CNTN5: variants seen among roughly 807,000 people sequenced by gnomAD.
CNTN5 encodes the protein contactin 5.
CNTN5 carries 77 observed loss-of-function variants against 129.1 expected under a neutral mutation model. The ratio of observed to expected loss-of-function variants is 0.60; its 90% CI spans 0.50 to 0.72. CNTN5 has a LOEUF of 0.72. Among genes scored for constraint, CNTN5 ranks in the 30% least tolerant of loss-of-function variants. The pLI, the probability that CNTN5 is intolerant of heterozygous loss-of-function variation, is 0.00. For synonymous variants in CNTN5, 509 were observed against 465.6 expected, an observed-to-expected ratio of 1.09 and a Z score of -1.20; for missense variants, 1,478 against 1,328.8, an observed-to-expected ratio of 1.11 and a Z score of -1.75.
At chr11:100,180,132 T>C (rs557618286) in intron 13 of CNTN5, among the ~76,000 whole-genome samples, 1 of 152,090 alleles carries the variant, frequency 6.6e-6, no homozygotes, top group Non-Finnish European at 1.5e-5. Context: ...CAATATCTCA[T>C]GAGAATCAAG....
chr11:99,854,646 T>A (rs746138996), intron 6 of CNTN5, among the ~76,000 whole-genome samples: 1 of 152,172 alleles, frequency 6.6e-6, no homozygotes, highest in Non-Finnish European at 1.5e-5. Context: ...ATAAGGAATG[T>A]AGGTTTCTGG....
chr11:99,534,180 T>C (rs1405124862), intron 2 of CNTN5, among the ~76,000 whole-genome samples: 2 of 152,356 alleles, frequency 1.3e-5, no homozygotes, highest in South Asian at 2.1e-4. Flanking sequence ...TAAATACTTT[T>C]TGCGACTTGG....
intron 1 of CNTN5, among the ~76,000 whole-genome samples, chr11:99,295,882 CAA>C (rs34180493): frequency 7.8e-4 from 40 of 50,986 alleles, no homozygotes; most frequent in African/African-American, 2.6e-3. Flanking sequence ...GACTCCGTCT[CAA>C]AAAAAAAAAA....
chr11:99,764,562 A>T (rs1944690969), intron 3 of CNTN5, among the ~76,000 whole-genome samples: 1 of 152,056 alleles, frequency 6.6e-6, no homozygotes, highest in Non-Finnish European at 1.5e-5. Context: ...GATTATAGGC[A>T]TGCACCACCA....
intron 2 of CNTN5, among the ~76,000 whole-genome samples, chr11:99,406,414 T>TCG (rs1487908889): frequency 6.7e-6 from 1 of 149,854 alleles, no homozygotes; most frequent in Non-Finnish European, 1.5e-5. Flanking sequence ...TCTCTCTCTC[T>TCG]CTCTGTTCTG....
In CNTN5 at chr11:99,844,918, A is replaced by G. The variant is rs1442248125; in HGVS notation, c.344A>G (p.Asp115Gly). ...GATATTATTTTTCCAACTGATTCTG[A>G]TGAAAAGAAGGTAGCATTGAATTGT... ...PDDIIFPTDS[D>G]EKKVALNCEV... Residue 115 changes from aspartate (D) to glycine (G), a missense_variant, in exon 5 of 25, where the codon GAT becomes GGT. Coordinates refer to ENST00000524871, the MANE Select transcript of CNTN5 (RefSeq NM_014361.4). The G allele has an allele frequency of 5.0e-6, 8 of 1,613,734 alleles. No individual in the cohort carries two copies. The highest frequency in any genetic ancestry group is 6.8e-6 in the Non-Finnish European group (8 of 1,179,788).
chr11:99,289,040 G>GT (rs1864060033), intron 1 of CNTN5, among the ~76,000 whole-genome samples: 2 of 151,670 alleles, frequency 1.3e-5, no homozygotes, highest in African/African-American at 4.8e-5. Context: ...GTTTACTACA[G>GT]TTTTTTCTTA....
intron 3 of CNTN5, among the ~76,000 whole-genome samples, chr11:99,742,654 T>G (rs1229810711): frequency 6.6e-6 from 1 of 152,150 alleles, no homozygotes; most frequent in Non-Finnish European, 1.5e-5. Context: ...AAGAAAGTAT[T>G]AGAGACTTGT....
intron 2 of CNTN5, among the ~76,000 whole-genome samples, chr11:99,530,207 G>A (rs1947640823): frequency 6.6e-6 from 1 of 152,046 alleles, no homozygotes; most frequent in South Asian, 2.1e-4. Flanking sequence ...TCCTTGGCCT[G>A]CTCCTGCATT....
chr11:100,168,111 C>G (rs1438510693), intron 13 of CNTN5, among the ~76,000 whole-genome samples: 5 of 151,818 alleles, frequency 3.3e-5, no homozygotes, highest in African/African-American at 1.2e-4. Context: ...AAATTTTGAA[C>G]CTTGAAGAGG....
At chr11:99,635,098 A>G (rs1951503562) in intron 3 of CNTN5, among the ~76,000 whole-genome samples, 1 of 152,214 alleles carries the variant, frequency 6.6e-6, no homozygotes, top group Admixed American at 6.5e-5. Context: ...GTTTGACTAG[A>G]AAGAGAAGTC....
In CNTN5 at chr11:99,342,571, CAAAAAAAAAAAAAAAAAAAAA is replaced by C. The variant is rs58710723; in HGVS notation, c.-71+17098_-71+17118del. ...GCAACATGGCGAAACCCCGTTATCT[CAAAAAAAAAAAAAAAAAAAAA>C]AAAAAAAAAAGCAGGGCGTGGTGAC... On this transcript the variant is annotated intron_variant, in intron 2 of 24. Transcript: ENST00000524871. Among the ~76,000 whole-genome samples, 4 of 24,494 alleles carry C rather than the reference CAAAAAAAAAAAAAAAAAAAAA, an allele frequency of 1.6e-4. No individual in the cohort carries two copies. In the Admixed American group the frequency reaches 3.2e-3, roughly 20 times the overall value. The allele number at this position is 24,494 out of a possible 152,430, so 16.1% of individuals were successfully genotyped here. A position where few individuals can be genotyped will look rare whatever the true frequency, so the allele number is the denominator to read the frequency against.
At chr11:99,974,457 T>G (rs1215575538) in intron 8 of CNTN5, among the ~76,000 whole-genome samples, 2 of 152,186 alleles carry the variant, frequency 1.3e-5, no homozygotes, top group African/African-American at 4.8e-5. Context: ...ATTTCATCAA[T>G]ATTACCAGAA....
intron 1 of CNTN5, among the ~76,000 whole-genome samples, chr11:99,050,082 A>G (rs1025404142): frequency 1.1e-4 from 17 of 152,098 alleles, no homozygotes; most frequent in Non-Finnish European, 2.1e-4. Context: ...AAACTTGTAA[A>G]TTGGAAATCC....
intron 1 of CNTN5, among the ~76,000 whole-genome samples, chr11:99,168,578 T>TCAAAACAAAACAAAACAAAA (rs56681956): frequency 0.2 from 29,246 of 145,642 alleles, 3,308 homozygotes; most frequent in East Asian, 0.27. Flanking sequence ...AGACTCCATC[T>TCAAAACAAAACAAAACAAAA]CAAAACAAAA....
chr11:99,831,272 T>C (rs1947130083), intron 4 of CNTN5, among the ~76,000 whole-genome samples: 1 of 152,190 alleles, frequency 6.6e-6, no homozygotes, highest in Non-Finnish European at 1.5e-5. Context: ...GAAAGCATTT[T>C]CTGCATCCTC....
intron 3 of CNTN5, among the ~76,000 whole-genome samples, chr11:99,631,236 A>G (rs1401375251): frequency 1.3e-5 from 2 of 152,104 alleles, no homozygotes; most frequent in Non-Finnish European, 1.5e-5. Context: ...GAATTATTAA[A>G]ACATTTGATT....
intron 2 of CNTN5, among the ~76,000 whole-genome samples, chr11:99,547,116 G>T (rs1303302379): frequency 6.7e-6 from 1 of 148,778 alleles, no homozygotes; most frequent in Admixed American, 6.9e-5. Flanking sequence ...CGATTCTCCT[G>T]CCTCAGCCTC....
intron 21 of CNTN5, among the ~76,000 whole-genome samples, chr11:100,312,016 A>T (rs1489878235): frequency 6.6e-6 from 1 of 152,084 alleles, no homozygotes; most frequent in Non-Finnish European, 1.5e-5. Flanking sequence ...AATTAAAATA[A>T]ATCAACGAAA....
Sources: gnomAD v4.1 joint callset for allele counts (sites outside exome capture counted in the v4.1 genomes callset) on GRCh38, gnomAD v4.1.1 for gene constraint, MANE v1.5 for transcripts, NCBI Gene and HGNC (gene_info 2026-07-23, HGNC 2026-07-21) for gene names.